The following SPG7 variants were observed in gnomAD, a reference collection of about 807,000 sequenced individuals.
SPG7 encodes SPG7 matrix AAA peptidase subunit, paraplegin.
A neutral mutation model predicts 81.9 loss-of-function variants in SPG7; 103 were observed. The ratio of observed to expected loss-of-function variants is 1.26; its 90% CI spans 1.07 to 1.48. SPG7 has a LOEUF of 1.48. SPG7 is among the 40% of genes most tolerant of loss of function. The pLI is 0.00. For missense variants in SPG7, 1,241 were observed against 1,087.3 expected (o/e 1.14, Z -1.99); for synonymous variants, 534 against 444.2 (o/e 1.20, Z -2.54).
In SPG7 at chr16:89,531,964, C is replaced by T. The variant is rs199789849; in HGVS notation, c.1048C>T (p.Pro350Ser). 42 of 1,613,804 alleles carry T rather than the reference C, an allele frequency of 2.6e-5. No homozygotes were observed. The highest frequency in any genetic ancestry group is 2.5e-4 in the Admixed American group (15 of 60,006). ...KVPKGALLLG[P>S]PGCGKTLLAK... ...CCCAAAGGGCGCACTGCTGCTCGGC[C>T]CCCCCGGCTGTGGGAAGACGCTGCT... The change falls in exon 8 of 17, where the codon CCC (proline) becomes TCC (serine). Residue 350 changes from proline (P) to serine (S), a missense_variant. Transcript: ENST00000645818.
intron 6 of SPG7, 44 bp from the exon 7 acceptor site, chr16:89,530,639 T>G (rs1197336285): frequency 4.3e-6 from 7 of 1,613,818 alleles, no homozygotes; most frequent in Non-Finnish European, 5.1e-6. Flanking sequence ...GCTGCTGATT[T>G]CCTGACTTCG....
intron 12 of SPG7, 139 bp downstream of exon 12, chr16:89,548,252 C>G: frequency 1.5e-6 from 1 of 666,152 alleles, no homozygotes; most frequent in Non-Finnish European, 2.7e-6. Context: ...TTCTGCGTAA[C>G]TCATGTCTTT....
intron 13 of SPG7, chr16:89,552,543 C>G (rs1340815923): frequency 7.7e-6 from 2 of 258,298 alleles, no homozygotes; most frequent in African/African-American, 2.2e-5. Context: ...CCTTGCACAC[C>G]TGATGTGGGG....
At chr16:89,551,798 C>T (rs1231333371) in intron 13 of SPG7, 1 of 151,938 alleles carries the variant, frequency 6.6e-6, no homozygotes, top group Non-Finnish European at 1.5e-5. Context: ...GGTAGAGGCA[C>T]AAGAATCGCT....
chr16:89,511,668 G>C (rs759807993), intron 2 of SPG7, among the ~76,000 whole-genome samples: 1 of 152,214 alleles, frequency 6.6e-6, no homozygotes, highest in Non-Finnish European at 1.5e-5. Flanking sequence ...TGGTGAACCC[G>C]TTCATGTCTT....
chr16:89,527,069 A>G, intron 5 of SPG7: 1 of 203,888 alleles, frequency 4.9e-6, no homozygotes, highest in South Asian at 7.0e-5. Context: ...AATCATCTGT[A>G]GGTTGATAAT....
intron 10 of SPG7, chr16:89,546,119 C>T (rs923954746): frequency 4.0e-5 from 12 of 301,126 alleles, no homozygotes; most frequent in Admixed American, 1.5e-4. Context: ...GACAGTCTCA[C>T]TCTATCCCCC....
At chr16:89,536,582 GGGTGAGGTGAGGCA>G (rs1267159724) in intron 9 of SPG7, among the ~76,000 whole-genome samples, 2 of 56,272 alleles carry the variant, frequency 3.6e-5, no homozygotes, top group African/African-American at 5.4e-5. Context: ...CAGGTGAGGC[GGGTGAGGTGAGGCA>G]GGTGAGGTGA....
chr16:89,542,474 C>G (rs2058507920), intron 9 of SPG7, among the ~76,000 whole-genome samples: 1 of 152,188 alleles, frequency 6.6e-6, no homozygotes, highest in Non-Finnish European at 1.5e-5. Flanking sequence ...CGAGGTGATT[C>G]TCTTCTGTGA....
At chr16:89,554,024 C>T (rs2058663612) in intron 15 of SPG7, 64 bp downstream of exon 15, 2 of 1,572,698 alleles carry the variant, frequency 1.3e-6, no homozygotes, top group African/African-American at 1.3e-5. Context: ...CCTGGGTCTA[C>T]CACACAAGGG....
rs1329063851 is a variant in SPG7 at position 89,550,560 on chromosome 16, G to A, written c.1730G>A (p.Gly577Asp). 5 of 1,613,882 alleles carry A rather than the reference G, an allele frequency of 3.1e-6. No individual in the cohort carries two copies. The highest frequency in any genetic ancestry group is 4.2e-6 in the Non-Finnish European group (5 of 1,180,022). ...EQKVVAFHES[G>D]HALVGWMLEH... The stretch of plus-strand genomic sequence containing the variant: ...AAAGTGGTTGCGTTTCATGAGTCGG[G>A]CCACGCCTTGGTGGGCTGGATGCTG... The change falls in exon 13 of 17, where the codon GGC becomes GAC. Residue 577 changes from glycine to aspartate, a missense_variant. Gly to Asp is a moderately conservative substitution (Grantham distance 94). Transcript: ENST00000645818.
chr16:89,543,048 C>T (rs56156927), intron 9 of SPG7: 8,662 of 149,716 alleles, frequency 0.058, 499 homozygotes, highest in East Asian at 0.15. Context: ...TTCAGGTTCA[C>T]GCCATTCTCC....
chr16:89,534,454 T>G (rs528255050), intron 9 of SPG7, among the ~76,000 whole-genome samples: 2 of 152,382 alleles, frequency 1.3e-5, no homozygotes, highest in South Asian at 2.1e-4. Flanking sequence ...AGTACAAGCA[T>G]CTTCTGAAGT....
intron 12 of SPG7, chr16:89,548,893 G>A (rs926118602): frequency 2.0e-5 from 9 of 451,254 alleles, no homozygotes; most frequent in Middle Eastern, 6.9e-4. Flanking sequence ...TGAGGAGCAC[G>A]AGCCTCCTTT....
At chr16:89,510,135 C>A (rs753278069) in intron 1 of SPG7, among the ~76,000 whole-genome samples, 2 of 151,722 alleles carry the variant, frequency 1.3e-5, no homozygotes, top group Non-Finnish European at 2.9e-5. Flanking sequence ...CCACCACGCC[C>A]GGCTAATTTT....
chr16:89,557,060 A>G lies in SPG7; in HGVS notation c.2355A>G (p.Pro785=). ...EEETEETQQP[P]LGGEEPTWPK is the part of the protein sequence containing the mutation. ...AGACCGAAGAGACCCAGCAGCCTCC[A>G]CTTGGAGGCGAAGAGCCGACTTGGC... is the stretch of plus-strand genomic sequence containing the variant. Residue 785 remains proline (P), a synonymous_variant, in exon 17 of 17, where the codon CCA becomes CCG. Coordinates refer to ENST00000645818, the MANE Select transcript of SPG7 (RefSeq NM_003119.4). 4 of 1,612,196 alleles carry G rather than the reference A, an allele frequency of 2.5e-6. No individual in the cohort carries two copies. Among genetic ancestry groups the G allele is most frequent in the Non-Finnish European group, 3.4e-6 (4 of 1,179,992 alleles).
rs35749032 is a variant in SPG7 at position 89,556,893 on chromosome 16, A to G, written c.2188A>G (p.Asn730Asp). 3,911 of 1,613,632 alleles carry G rather than the reference A, an allele frequency of 2.4e-3. 86 individuals carry two copies. The African/African-American group carries it at 0.046, about 19-fold the overall frequency. Residue 730 changes from asparagine to aspartate, a missense_variant, in exon 17 of 17, where the codon AAC (asparagine) becomes GAC (aspartate). Physicochemically the swap from Asn to Asp is conservative, Grantham distance 23 (BLOSUM62 1). Coordinates refer to ENST00000645818, the MANE Select transcript of SPG7 (RefSeq NM_003119.4). ...CTATGCCTGTTCTTTCTAGCTGGCA[A>G]ACGCCCTTCTGGAAAAGGAAGTGAT... is the stretch of plus-strand genomic sequence containing the variant. Reference protein sequence around the residue: ...DNLDKLQALANALLEKEVINY... With the variant: ...DNLDKLQALADALLEKEVINY...
intron 4 of SPG7, among the ~76,000 whole-genome samples, chr16:89,525,518 C>T (rs1038156041): frequency 2.0e-5 from 3 of 152,176 alleles, no homozygotes; most frequent in Non-Finnish European, 2.9e-5. Context: ...CAGGTGCCAT[C>T]CCCACCCCTC....
intron 3 of SPG7, chr16:89,523,435 T>C (rs2058217092): frequency 3.0e-6 from 1 of 335,284 alleles, no homozygotes; most frequent in African/African-American, 2.2e-5. Context: ...GTAAAAGGTA[T>C]TTGTTTTAAT....
Sources: gnomAD v4.1 joint callset for allele counts (sites outside exome capture counted in the v4.1 genomes callset) on GRCh38, gnomAD v4.1.1 for gene constraint, MANE v1.5 for transcripts, NCBI Gene and HGNC (gene_info 2026-07-23, HGNC 2026-07-21) for gene names.